Variants in TRIM71 observed in about 807,000 individuals in gnomAD.
The protein encoded by TRIM71 is E3 ubiquitin-protein ligase TRIM71.
TRIM71 carries 9 observed loss-of-function variants against 61.2 expected under a neutral mutation model. That is an observed-to-expected ratio of 0.15 (90% CI 0.09 to 0.26). TRIM71 has a LOEUF of 0.26. Ranked by LOEUF, TRIM71 falls within the 10% of genes least tolerant of loss-of-function variation. TRIM71 has a pLI of 1.00. For synonymous variants in TRIM71, 645 were observed against 553.2 expected (o/e 1.17, Z -2.33); for missense variants, 998 against 1,238.7 (o/e 0.81, Z 2.92).
Position 32,878,398 on chromosome 3 carries a change from T to C in TRIM71, c.1020+4413T>C, listed in dbSNP as rs1270761747. Reference sequence around the variant, plus strand: ...CCCGAGGCGGGTGGATCACCTGGGATGAGGAGTTTGAGACCAGCCTGACTA... The same window carrying C: ...CCCGAGGCGGGTGGATCACCTGGGACGAGGAGTTTGAGACCAGCCTGACTA... On this transcript the variant is annotated intron_variant, in intron 2 of 3. Coordinates refer to ENST00000383763, the MANE Select transcript of TRIM71 (RefSeq NM_001039111.3). Among the ~76,000 whole-genome samples, 6 of 152,196 alleles carry C rather than the reference T, an allele frequency of 3.9e-5. 1 individual carries two copies. In the East Asian group the frequency reaches 1.2e-3, roughly 29 times the overall value.
intron 1 of TRIM71, among the ~76,000 whole-genome samples, chr3:32,827,283 G>A (rs528130471): frequency 0.01 from 928 of 92,374 alleles, 15 homozygotes; most frequent in Admixed American, 0.021. Flanking sequence ...TTTTTTTTTT[G>A]GGTGGAGTCT....
In TRIM71 at chr3:32,896,950, G is replaced by C. The variant is rs1030409776; in HGVS notation, c.*5139G>C. 6.6e-6 allele frequency: 1 copy of C among 151,402 alleles called. No homozygotes were observed. The highest frequency in any genetic ancestry group is 6.6e-5 in the Admixed American group (1 of 15,132). 9.4% of individuals were successfully genotyped at this position (151,402 alleles called of 1,614,324 possible). A position where few individuals can be genotyped will look rare whatever the true frequency, so the allele number is the denominator to read the frequency against. ...AGAGGAAGATTTTTCACATTTCTGGGGTTTTCTTGCTTTTAGGGTGGTAAG... is the reference window on the plus strand; with the variant it reads ...AGAGGAAGATTTTTCACATTTCTGGCGTTTTCTTGCTTTTAGGGTGGTAAG... On this transcript the variant is annotated 3_prime_UTR_variant, in exon 4 of 4. Transcript: ENST00000383763.
Position 32,896,308 on chromosome 3 carries a change from C to T in TRIM71, c.*4497C>T, listed in dbSNP as rs1697077263. ...TGACTTCATGATTGTATTTGTAGCT[C>T]TCTGGACCCGGCAGGACGTTCATCA... On this transcript the variant is annotated 3_prime_UTR_variant, in exon 4 of 4. Transcript: ENST00000383763. 1 of 152,186 alleles carries T rather than the reference C, an allele frequency of 6.6e-6. No homozygotes were observed. The highest frequency in any genetic ancestry group is 1.5e-5 in the Non-Finnish European group (1 of 68,026). 9.4% of individuals were successfully genotyped at this position (152,186 alleles called of 1,614,324 possible).
At chr3:32,882,783 C>G (rs908115578) in intron 2 of TRIM71, among the ~76,000 whole-genome samples, 1 of 152,148 alleles carries the variant, frequency 6.6e-6, no homozygotes, top group Non-Finnish European at 1.5e-5. Context: ...CTTAAGCTAT[C>G]CTCCTGCCTC....
rs373230206 is a variant in TRIM71 at position 32,834,668 on chromosome 3, C to T, written c.852+15736C>T. Among the ~76,000 whole-genome samples the T allele has an allele frequency of 1.3e-3, 194 of 152,158 alleles. 2 individuals are homozygous for T. Among genetic ancestry groups the T allele is most frequent in the African/African-American group, 4.3e-3 (178 of 41,514 alleles). Reference sequence around the variant, plus strand: ...ACCATCCTGACCAACATGGTGAAACCCCGTCTCTACTAAAAATACAAAAAT... The same window carrying T: ...ACCATCCTGACCAACATGGTGAAACTCCGTCTCTACTAAAAATACAAAAAT... On this transcript the variant is annotated intron_variant, in intron 1 of 3. Coordinates refer to ENST00000383763, the MANE Select transcript of TRIM71 (RefSeq NM_001039111.3).
intron 2 of TRIM71, among the ~76,000 whole-genome samples, chr3:32,882,765 C>G (rs1043411241): frequency 6.6e-6 from 1 of 152,140 alleles, no homozygotes; most frequent in Non-Finnish European, 1.5e-5. Flanking sequence ...TGATCTCAAA[C>G]TCGTGGGCTT....
At chr3:32,856,210 G>C (rs965351355) in intron 1 of TRIM71, among the ~76,000 whole-genome samples, 36 of 152,000 alleles carry the variant, frequency 2.4e-4, no homozygotes, top group South Asian at 4.1e-4. Context: ...GTGGAGACGG[G>C]GTTTCACCAT....
intron 1 of TRIM71, among the ~76,000 whole-genome samples, chr3:32,832,640 A>G (rs907989762): frequency 1.3e-5 from 2 of 151,950 alleles, no homozygotes; most frequent in African/African-American, 4.8e-5. Flanking sequence ...AGCTGAGATC[A>G]TACCACTGCA....
At chr3:32,874,201 A>G (rs188611224) in intron 2 of TRIM71, among the ~76,000 whole-genome samples, 51 of 152,158 alleles carry the variant, frequency 3.4e-4, no homozygotes, top group African/African-American at 5.1e-4. Context: ...TCAGATTTCT[A>G]AGCACCTAGC....
At chr3:32,869,445 CCT>C (rs1443400374) in intron 1 of TRIM71, among the ~76,000 whole-genome samples, 1 of 152,220 alleles carries the variant, frequency 6.6e-6, no homozygotes. Flanking sequence ...GTGTTTTAAA[CCT>C]GAAGCTCATT....
At chr3:32,877,593 A>G (rs1324043222) in intron 2 of TRIM71, among the ~76,000 whole-genome samples, 1 of 152,048 alleles carries the variant, frequency 6.6e-6, no homozygotes. Context: ...TCCTGGCTTC[A>G]TGCGATCTTT....
chr3:32,823,823 C>A (rs989182228), intron 1 of TRIM71, among the ~76,000 whole-genome samples: 1 of 150,908 alleles, frequency 6.6e-6, no homozygotes, highest in East Asian at 2.0e-4. Flanking sequence ...CGTGAGCCAC[C>A]GCGCCTTTGG....
intron 1 of TRIM71, among the ~76,000 whole-genome samples, chr3:32,868,209 C>T (rs1696759606): frequency 6.6e-6 from 1 of 152,082 alleles, no homozygotes; most frequent in South Asian, 2.1e-4. Context: ...CCCTGCTGGC[C>T]TTTTGTTTTT....
intron 1 of TRIM71, among the ~76,000 whole-genome samples, chr3:32,853,200 T>G (rs1430532088): frequency 6.7e-6 from 1 of 150,058 alleles, no homozygotes; most frequent in Admixed American, 6.7e-5. Flanking sequence ...CACTGCAACC[T>G]CCGCCTCCTG....
intron 1 of TRIM71, among the ~76,000 whole-genome samples, chr3:32,819,719 C>T (rs897752686): frequency 2.6e-5 from 4 of 152,314 alleles, no homozygotes; most frequent in Admixed American, 2.0e-4. Context: ...ACGACGTTAC[C>T]TTCACCAGCC....
At position 32,893,296 on chromosome 3, in the gene TRIM71, C is replaced by T. The variant is rs1163040915; in HGVS notation, c.*1485C>T. The T allele has an allele frequency of 6.6e-6, 1 of 151,822 alleles. No homozygotes were observed. 9.4% of individuals were successfully genotyped at this position (151,822 alleles called of 1,614,324 possible). Reference sequence around the variant, plus strand: ...TTTTCTTAAACCTGTAACTCGGTACCAAAGAATGAAAATTTAAGGCTCCCA... The same window carrying T: ...TTTTCTTAAACCTGTAACTCGGTACTAAAGAATGAAAATTTAAGGCTCCCA... On this transcript the variant is annotated 3_prime_UTR_variant, in exon 4 of 4. Coordinates refer to ENST00000383763, the MANE Select transcript of TRIM71 (RefSeq NM_001039111.3).
intron 1 of TRIM71, among the ~76,000 whole-genome samples, chr3:32,864,532 G>A (rs926730143): frequency 1.5e-4 from 23 of 152,312 alleles, no homozygotes; most frequent in African/African-American, 5.3e-4. Context: ...CTAGGGAGCT[G>A]GTGCCCGCTG....
chr3:32,862,751 C>G (rs1254152850), intron 1 of TRIM71, among the ~76,000 whole-genome samples: 2 of 152,176 alleles, frequency 1.3e-5, no homozygotes, highest in African/African-American at 4.8e-5. Flanking sequence ...CTGCTGGAAG[C>G]TGCATGGGCC....
At chr3:32,889,908 G>A (rs887780626) in intron 3 of TRIM71, among the ~76,000 whole-genome samples, 3 of 151,984 alleles carry the variant, frequency 2.0e-5, no homozygotes, top group Non-Finnish European at 4.4e-5. Flanking sequence ...GTGTATGTAT[G>A]TATGTATGTA....
Sources: gnomAD v4.1 joint callset for allele counts (sites outside exome capture counted in the v4.1 genomes callset) on GRCh38, gnomAD v4.1.1 for gene constraint, MANE v1.5 for transcripts, NCBI Gene and HGNC (gene_info 2026-07-23, HGNC 2026-07-21) for gene names.